The following MACROD2 variants were observed in gnomAD, a reference collection of about 807,000 sequenced individuals.
MACROD2 encodes the protein ADP-ribose glycohydrolase MACROD2.
In MACROD2, 36 loss-of-function variants were observed where a neutral mutation model predicts 70.4. That is an observed-to-expected ratio of 0.51 (90% CI 0.39 to 0.68). The LOEUF is 0.68. Among genes scored for constraint, MACROD2 ranks in the 30% least tolerant of loss-of-function variants. MACROD2 has a pLI of 0.00. For synonymous variants in MACROD2, 172 were observed against 178.8 expected (o/e 0.96, Z 0.30); for missense variants, 496 against 538.4 (o/e 0.92, Z 0.78).
chr20:14,843,517 C>A (rs1358521926), intron 5 of MACROD2, among the ~76,000 whole-genome samples: 1 of 152,060 alleles, frequency 6.6e-6, no homozygotes, highest in East Asian at 1.9e-4. Context: ...GTGAGCAAGG[C>A]AGGTAAATTA....
intron 3 of MACROD2, among the ~76,000 whole-genome samples, chr20:14,475,611 A>G (rs765659395): frequency 1.8e-4 from 27 of 151,630 alleles, no homozygotes; most frequent in Non-Finnish European, 3.1e-4. Context: ...TTAATTGTTC[A>G]TCTTGGAAGG....
chr20:15,644,084 G>A (rs914235345), intron 8 of MACROD2, among the ~76,000 whole-genome samples: 1 of 152,114 alleles, frequency 6.6e-6, no homozygotes, highest in African/African-American at 2.4e-5. Flanking sequence ...ACTCAGGGCA[G>A]GAATGTGCTT....
chr20:15,246,721 T>A (rs990059392), intron 6 of MACROD2, among the ~76,000 whole-genome samples: 1 of 152,196 alleles, frequency 6.6e-6, no homozygotes, highest in Admixed American at 6.5e-5. Context: ...TTCTAGGTGT[T>A]TACCCAAATA....
chr20:15,910,995 C>T (rs1206222208), intron 10 of MACROD2, among the ~76,000 whole-genome samples: 2 of 152,200 alleles, frequency 1.3e-5, no homozygotes. Flanking sequence ...ACAAAGATGA[C>T]CACTAACTGC....
intron 8 of MACROD2, among the ~76,000 whole-genome samples, chr20:15,614,102 T>C (rs2049005895): frequency 6.6e-6 from 1 of 152,240 alleles, no homozygotes; most frequent in Non-Finnish European, 1.5e-5. Context: ...AGTCAGTTCA[T>C]TCCTGCTGTG....
intron 5 of MACROD2, among the ~76,000 whole-genome samples, chr20:14,918,253 G>A (rs1476344880): frequency 6.6e-6 from 1 of 152,182 alleles, no homozygotes; most frequent in Non-Finnish European, 1.5e-5. Flanking sequence ...TGGGATTACA[G>A]GCATGAGCAA....
intron 4 of MACROD2, among the ~76,000 whole-genome samples, chr20:14,502,087 T>G (rs2123125099): frequency 6.6e-6 from 1 of 152,346 alleles, no homozygotes; most frequent in South Asian, 2.1e-4. Flanking sequence ...TGTGACTTGT[T>G]GGTACACAGT....
intron 3 of MACROD2, among the ~76,000 whole-genome samples, chr20:14,204,300 G>A (rs190895749): frequency 5.2e-4 from 79 of 152,252 alleles, no homozygotes; most frequent in African/African-American, 1.7e-3. Context: ...AGAGTTCTAG[G>A]GACCCACATC....
intron 3 of MACROD2, among the ~76,000 whole-genome samples, chr20:14,433,116 A>G (rs1189087481): frequency 6.6e-6 from 1 of 152,144 alleles, no homozygotes; most frequent in Admixed American, 6.6e-5. Context: ...AAAATAGACC[A>G]GTTCATATTC....
chr20:16,031,418 G>A (rs2147582392), intron 15 of MACROD2, among the ~76,000 whole-genome samples: 1 of 152,180 alleles, frequency 6.6e-6, no homozygotes, highest in African/African-American at 2.4e-5. Context: ...AGGAAATTTT[G>A]TAACATCTAT....
At position 15,031,202 on chromosome 20, in the gene MACROD2, C is replaced by A. The variant is rs2075271577; in HGVS notation, c.419-198738C>A. On this transcript the variant is annotated intron_variant, in intron 5 of 17. Coordinates refer to ENST00000684519, the MANE Select transcript of MACROD2 (RefSeq NM_001351661.2). ...TGGACGTCAGGGAACGTGGTGGCAC[C>A]CCGAAGCTTGGAGACGTCAGGAACC... 1.3e-5 allele frequency among the ~76,000 whole-genome samples: 2 copies of A among 152,172 alleles called. 1 individual carries two copies. Among genetic ancestry groups the A allele is most frequent in the South Asian group, 4.1e-4 (2 of 4,826 alleles).
At chr20:15,017,496 C>T (rs551622224) in intron 5 of MACROD2, among the ~76,000 whole-genome samples, 2 of 152,254 alleles carry the variant, frequency 1.3e-5, no homozygotes, top group East Asian at 3.9e-4. Flanking sequence ...AGTGGATCTG[C>T]CATTCTGGGG....
chr20:14,654,400 G>T (rs1484858407), intron 4 of MACROD2, among the ~76,000 whole-genome samples: 1 of 151,856 alleles, frequency 6.6e-6, no homozygotes, highest in Admixed American at 6.6e-5. Flanking sequence ...ACAAAAATTA[G>T]CCGGGTATGG....
intron 5 of MACROD2, among the ~76,000 whole-genome samples, chr20:14,701,198 C>A (rs2071192488): frequency 6.6e-6 from 1 of 152,152 alleles, no homozygotes; most frequent in Non-Finnish European, 1.5e-5. Flanking sequence ...TCAGGTTTCT[C>A]TTCTGCCTTT....
At chr20:14,324,536 A>G (rs1433320611) in intron 3 of MACROD2, 1 of 152,382 alleles carries the variant, frequency 6.6e-6, no homozygotes, top group African/African-American at 2.4e-5. Context: ...TTTTCTTTAA[A>G]TTATCTCTTA....
At chr20:14,075,743 C>A (rs2053908601) in intron 2 of MACROD2, among the ~76,000 whole-genome samples, 1 of 152,130 alleles carries the variant, frequency 6.6e-6, no homozygotes, top group Non-Finnish European at 1.5e-5. Flanking sequence ...CCTATAGGCA[C>A]TTGAACTTTA....
chr20:14,037,809 A>G (rs1274746952), intron 2 of MACROD2, among the ~76,000 whole-genome samples: 2 of 151,744 alleles, frequency 1.3e-5, no homozygotes, highest in Non-Finnish European at 2.9e-5. Flanking sequence ...GTTTGAGCCC[A>G]GAATTTCCAC....
chr20:14,828,460 T>A (rs557041791), intron 5 of MACROD2, among the ~76,000 whole-genome samples: 1 of 152,260 alleles, frequency 6.6e-6, no homozygotes, highest in Non-Finnish European at 1.5e-5. Flanking sequence ...CTTTTCTTAA[T>A]TCAGTCATTC....
chr20:14,392,509 A>G (rs2083537646), intron 3 of MACROD2, among the ~76,000 whole-genome samples: 1 of 152,200 alleles, frequency 6.6e-6, no homozygotes, highest in Admixed American at 6.5e-5. Context: ...GCCTTGTTAT[A>G]TATGATAATT....
Sources: allele counts gnomAD v4.1 joint callset (sites outside exome capture counted in the v4.1 genomes callset), GRCh38; gene constraint gnomAD v4.1.1; transcripts MANE v1.5; gene names NCBI Gene and HGNC (gene_info 2026-07-23, HGNC 2026-07-21).